PARP8: variants seen among roughly 807,000 people sequenced by gnomAD.
PARP8 encodes the protein protein mono-ADP-ribosyltransferase PARP8.
Under a neutral mutation model 124.1 loss-of-function variants are expected in PARP8, and 51 were observed. That is an observed-to-expected ratio of 0.41 (90% CI 0.33 to 0.52). The LOEUF is 0.52. Among genes scored for constraint, PARP8 ranks in the 20% least tolerant of loss-of-function variants. The pLI is 0.21. For missense variants in PARP8, 860 were observed against 1,018.9 expected (o/e 0.84, Z 2.12); for synonymous variants, 391 against 361.5 (o/e 1.08, Z -0.93).
chr5:50,738,897 A>G (rs1757745138), intron 2 of PARP8: 3 of 668,028 alleles, frequency 4.5e-6, no homozygotes, highest in Admixed American at 4.4e-5. Context: ...TTTATTATTG[A>G]TAATGAGACG....
intron 2 of PARP8, among the ~76,000 whole-genome samples, chr5:50,712,472 A>T (rs975866048): frequency 6.6e-6 from 1 of 152,168 alleles, no homozygotes; most frequent in African/African-American, 2.4e-5. Flanking sequence ...TTAATATCAG[A>T]CAACATTTTA....
At chr5:50,720,751 G>A (rs370763708) in intron 2 of PARP8, among the ~76,000 whole-genome samples, 9 of 100,294 alleles carry the variant, frequency 9.0e-5, no homozygotes, top group Admixed American at 4.0e-4. Flanking sequence ...TACTCCTGAC[G>A]CCACAAAAGC....
chr5:50,795,118 C>G lies in PARP8; in HGVS notation c.1129C>G (p.Leu377Val). Residue 377 changes from leucine (L) to valine (V), a missense_variant, in exon 12 of 26, where the codon CTA becomes GTA. Physicochemically the swap from Leu to Val is conservative, Grantham distance 32. This residue lies in a region of PARP8 where 517 missense variants were observed against 544.2 expected (regional missense o/e 0.95). Coordinates refer to ENST00000281631, the MANE Select transcript of PARP8 (RefSeq NM_024615.4). The part of the protein sequence containing the change: ...CPAAVKSEEC[L>V]TLKSHRLLTR... ...TGCAGCTGTTAAGTCAGAGGAATGC[C>G]TAACTCTAAAGTCGCATAGACTATT... 6.2e-7 allele frequency: 1 copy of G among 1,614,208 alleles called. No homozygotes were observed. Among genetic ancestry groups the G allele is most frequent in the Non-Finnish European group, 8.5e-7 (1 of 1,180,034 alleles).
chr5:50,684,113 GACTA>G (rs1338561040), intron 2 of PARP8, among the ~76,000 whole-genome samples: 7 of 149,548 alleles, frequency 4.7e-5, no homozygotes, highest in Admixed American at 4.6e-4. Context: ...GAACAGTTTT[GACTA>G]ACAGCCTGAA....
chr5:50,827,946 A>G lies in PARP8; in HGVS notation c.1980A>G (p.Gln660=), dbSNP rs1223120575. ...TTTGTCTTTATCTTAAATGGCAGCA[A>G]TTGAAGTTTATGCATACTCCACATC... The part of the protein sequence containing the change: ...SHIVKLPVNR[Q]LKFMHTPHQF... Residue 660 remains glutamine, a splice_region_variant and synonymous_variant, in exon 20 of 26, where the codon CAA becomes CAG. Coordinates refer to ENST00000281631, the MANE Select transcript of PARP8 (RefSeq NM_024615.4). The G allele has an allele frequency of 1.9e-6, 3 of 1,602,750 alleles. No individual in the cohort carries two copies. The highest frequency in any genetic ancestry group is 1.1e-5 in the South Asian group (1 of 90,650).
chr5:50,706,179 C>T (rs1754129886), intron 2 of PARP8, among the ~76,000 whole-genome samples: 1 of 151,730 alleles, frequency 6.6e-6, no homozygotes, highest in Non-Finnish European at 1.5e-5. Flanking sequence ...AAATCATATC[C>T]CATTGTTATT....
chr5:50,732,808 C>T (rs1192445957), intron 2 of PARP8, among the ~76,000 whole-genome samples: 4 of 151,536 alleles, frequency 2.6e-5, no homozygotes, highest in African/African-American at 7.3e-5. Context: ...TTATTAGAGA[C>T]GGGGTTGCAC....
chr5:50,799,126 C>T (rs767509016), intron 14 of PARP8, among the ~76,000 whole-genome samples: 23 of 152,192 alleles, frequency 1.5e-4, no homozygotes, highest in East Asian at 9.6e-4. Flanking sequence ...TTTGATGTTG[C>T]GTCTAAAAAG....
intron 2 of PARP8, among the ~76,000 whole-genome samples, chr5:50,713,275 C>G (rs1051477286): frequency 2.0e-5 from 3 of 151,966 alleles, no homozygotes; most frequent in African/African-American, 7.2e-5. Flanking sequence ...GGGTCTCACT[C>G]TATTGCCCAG....
chr5:50,701,651 A>C (rs1753605987), intron 2 of PARP8, among the ~76,000 whole-genome samples: 1 of 152,124 alleles, frequency 6.6e-6, no homozygotes, highest in African/African-American at 2.4e-5. Flanking sequence ...TTAAAGAGAT[A>C]AAGTTAGTTT....
chr5:50,718,251 G>A lies in PARP8; in HGVS notation c.147-31900G>A, dbSNP rs139575426. 2.6e-5 allele frequency among the ~76,000 whole-genome samples: 4 copies of A among 152,078 alleles called. No homozygotes were observed. In the East Asian group the frequency reaches 7.7e-4, roughly 29 times the overall value. On this transcript the variant is annotated intron_variant, in intron 2 of 25. Coordinates refer to ENST00000281631, the MANE Select transcript of PARP8 (RefSeq NM_024615.4). The stretch of plus-strand genomic sequence containing the variant: ...TCATATTCTGGGAGTTTGACATTAG[G>A]TAAGAGCTTTGATAAAACAATTTTA...
At chr5:50,816,431 A>G (rs769649882) in intron 15 of PARP8, among the ~76,000 whole-genome samples, 1 of 152,198 alleles carries the variant, frequency 6.6e-6, no homozygotes, top group Non-Finnish European at 1.5e-5. Flanking sequence ...TTTAACATGC[A>G]CAACTTGAGG....
intron 7 of PARP8, among the ~76,000 whole-genome samples, chr5:50,773,621 T>G (rs1310789057): frequency 6.6e-6 from 1 of 152,190 alleles, no homozygotes; most frequent in Admixed American, 6.5e-5. Flanking sequence ...TTTTGCTCAG[T>G]GCCTTGGCTA....
intron 17 of PARP8, 31 bp downstream of exon 17, chr5:50,822,431 AT>A: frequency 6.6e-7 from 1 of 1,507,932 alleles, no homozygotes; most frequent in Non-Finnish European, 9.2e-7. Context: ...TGTACAGTAT[AT>A]TTTTAAAATG....
intron 7 of PARP8, among the ~76,000 whole-genome samples, chr5:50,769,248 G>A (rs2548581): frequency 0.15 from 23,373 of 151,632 alleles, 2,162 homozygotes; most frequent in African/African-American, 0.27. Context: ...CTATTTATGG[G>A]GAAAACAGTT....
intron 2 of PARP8, among the ~76,000 whole-genome samples, chr5:50,672,852 A>G (rs1750191077): frequency 6.6e-6 from 1 of 152,072 alleles, no homozygotes; most frequent in Non-Finnish European, 1.5e-5. Context: ...ATGTGTGTGC[A>G]GGGGTGAGGA....
intron 2 of PARP8, among the ~76,000 whole-genome samples, chr5:50,731,350 T>A (rs557520184): frequency 6.6e-6 from 1 of 152,184 alleles, no homozygotes; most frequent in Non-Finnish European, 1.5e-5. Flanking sequence ...TGCTCTTCTG[T>A]CCAAAAGAAT....
At chr5:50,826,127 C>T (rs1056963646) in intron 18 of PARP8, among the ~76,000 whole-genome samples, 1 of 151,658 alleles carries the variant, frequency 6.6e-6, no homozygotes, top group African/African-American at 2.4e-5. Flanking sequence ...ACTTTTAATT[C>T]TTGTGATCAT....
chr5:50,821,215 G>C lies in PARP8; in HGVS notation c.1671G>C (p.Val557=), dbSNP rs1299458241. The stretch of plus-strand genomic sequence containing the variant: ...CTATCTTATGTGTATATTTCAAGGT[G>C]GTAGATCTACTAGTATCCATGTGTA... ...AADEIATGAQ[V]VDLLVSMCRS... is the part of the protein sequence containing the mutation. The change falls in exon 16 of 26, where the codon GTG becomes GTC. Residue 557 remains valine (V), a splice_region_variant and synonymous_variant. Coordinates refer to ENST00000281631, the MANE Select transcript of PARP8 (RefSeq NM_024615.4). The C allele has an allele frequency of 1.9e-6, 3 of 1,613,902 alleles. No individual in the cohort carries two copies. The highest frequency in any genetic ancestry group is 2.5e-6 in the Non-Finnish European group (3 of 1,179,860).
Sources: gnomAD v4.1 joint callset for allele counts (sites outside exome capture counted in the v4.1 genomes callset) on GRCh38, gnomAD v4.1.1 for gene constraint, gnomAD v4.1.1 regional missense constraint, MANE v1.5 for transcripts, NCBI Gene and HGNC (gene_info 2026-07-23, HGNC 2026-07-21) for gene names.